The following XRRA1 variants were observed in gnomAD, a reference collection of about 807,000 sequenced individuals.
XRRA1 encodes the protein X-ray radiation resistance-associated protein 1.
XRRA1 carries 69 observed loss-of-function variants against 80.2 expected under a neutral mutation model. That is an observed-to-expected ratio of 0.86 (90% confidence interval 0.71 to 1.05). The LOEUF (loss-of-function observed/expected upper bound fraction) is 1.05, where lower values mean the gene tolerates loss of function less well. XRRA1 is among the 50% of genes least tolerant of loss of function. XRRA1 has a pLI of 0.00. For synonymous variants in XRRA1, 348 were observed against 389.9 expected (o/e 0.89, Z 1.27); for missense variants, 967 against 976.4 (o/e 0.99, Z 0.13).
chr11:74,848,568 C>T (rs532088206), intron 14 of XRRA1, 106 bp from the exon 15 acceptor site: 15 of 980,444 alleles, frequency 1.5e-5, no homozygotes, highest in Middle Eastern at 2.5e-4. Flanking sequence ...GTGCTGGGTA[C>T]GGACTGAGGC....
chr11:74,854,308 T>A (rs966978596), intron 12 of XRRA1, among the ~76,000 whole-genome samples: 2 of 152,070 alleles, frequency 1.3e-5, no homozygotes, highest in African/African-American at 4.8e-5. Context: ...AGGGAGACAG[T>A]AGGGAGTGAG....
intron 8 of XRRA1, among the ~76,000 whole-genome samples, chr11:74,911,795 C>T (rs2055955439): frequency 6.6e-6 from 1 of 152,122 alleles, no homozygotes; most frequent in African/African-American, 2.4e-5. Flanking sequence ...GAGGGAGAAA[C>T]TTAACATAGG....
chr11:74,892,295 G>C (rs1287173369), intron 10 of XRRA1, among the ~76,000 whole-genome samples: 1 of 152,126 alleles, frequency 6.6e-6, no homozygotes, highest in Non-Finnish European at 1.5e-5. Context: ...ACAAAAACAA[G>C]AAATGGGGAA....
chr11:74,930,037 T>C (rs1210589513), intron 6 of XRRA1, among the ~76,000 whole-genome samples: 2 of 152,172 alleles, frequency 1.3e-5, no homozygotes, highest in Non-Finnish European at 2.9e-5. Flanking sequence ...CTGCAAGGTA[T>C]CCTGCAAGGG....
rs746916342 is a variant in XRRA1, at chr11:74,945,023, CT to C, written c.-11del. ...CAGGTCTCCAGAGTACTTACTTGAT[CT>C]TTGACTTTGGGAATGGCCCCTTAAC... On this transcript the variant is annotated 5_prime_UTR_variant, in exon 2 of 19. Coordinates refer to ENST00000684022, the MANE Select transcript of XRRA1 (RefSeq NM_001378157.1). 4.6e-5 allele frequency: 7 copies of C among 152,346 alleles called. No individual in the cohort carries two copies. The highest frequency in any genetic ancestry group is 8.8e-5 in the Non-Finnish European group (6 of 67,984). The allele number at this position is 152,346 out of a possible 1,614,324, so 9.4% of individuals were successfully genotyped here.
At position 74,921,217 on chromosome 11, in the gene XRRA1, T is replaced by G; in HGVS notation, c.653A>C (p.Glu218Ala). 6.2e-7 allele frequency: 1 copy of G among 1,613,836 alleles called. No individual in the cohort carries two copies. Among genetic ancestry groups the G allele is most frequent in the Non-Finnish European group, 8.5e-7 (1 of 1,179,774 alleles). ...GACTCCAGGAGGTAGAACTTACTGT[T>G]CTGCGACGGCCAAATTGGGCGGCAG... is the stretch of plus-strand genomic sequence containing the variant. ...TSLPPNLAVA[E>A]QEASVTSLTS... The change falls in exon 8 of 19, where the codon GAA (glutamate) becomes GCA (alanine). Residue 218 changes from glutamate to alanine, a missense_variant. Physicochemically the swap from Glu to Ala is moderately radical, Grantham distance 107 (BLOSUM62 -1). Coordinates refer to ENST00000684022, the MANE Select transcript of XRRA1 (RefSeq NM_001378157.1).
chr11:74,908,023 GA>G (rs1240771571), intron 8 of XRRA1, among the ~76,000 whole-genome samples: 2 of 152,056 alleles, frequency 1.3e-5, no homozygotes, highest in African/African-American at 2.4e-5. Flanking sequence ...ACAGGCAGAT[GA>G]CACAAATAAC....
Position 74,843,065 on chromosome 11 carries a change from G to T in XRRA1, c.*135C>A. The T allele has an allele frequency of 1.6e-6, 2 of 1,248,838 alleles. No individual in the cohort carries two copies. Among genetic ancestry groups the T allele is most frequent in the Non-Finnish European group, 2.2e-6 (2 of 928,348 alleles). The allele number at this position is 1,248,838 out of a possible 1,614,324, so 77.4% of individuals were successfully genotyped here. A position where few individuals can be genotyped will look rare whatever the true frequency, so the allele number is the denominator to read the frequency against. Reference sequence around the variant, plus strand: ...CCTGACAAGGGGATGCCACCTTGTGGCCAGCAAGTGGGGCCCAGCTGAGCT... The same window carrying T: ...CCTGACAAGGGGATGCCACCTTGTGTCCAGCAAGTGGGGCCCAGCTGAGCT... On this transcript the variant is annotated 3_prime_UTR_variant, in exon 19 of 19. Transcript: ENST00000684022.
At chr11:74,847,584 G>A (rs917810312) in intron 15 of XRRA1, among the ~76,000 whole-genome samples, 1 of 152,066 alleles carries the variant, frequency 6.6e-6, no homozygotes, top group East Asian at 1.9e-4. Context: ...CAGCTCAGTT[G>A]AGCCTCTTCC....
At chr11:74,894,187 A>C (rs2051598269) in intron 10 of XRRA1, among the ~76,000 whole-genome samples, 1 of 152,222 alleles carries the variant, frequency 6.6e-6, no homozygotes, top group Non-Finnish European at 1.5e-5. Flanking sequence ...GAATGTTCTC[A>C]CTTGTAAGTG....
At chr11:74,889,180 A>G (rs1480897524) in intron 10 of XRRA1, among the ~76,000 whole-genome samples, 1 of 152,212 alleles carries the variant, frequency 6.6e-6, no homozygotes, top group African/African-American at 2.4e-5. Flanking sequence ...CTCAAAGGGA[A>G]GCCCATCAGA....
At chr11:74,906,188 G>A in intron 10 of XRRA1, 51 bp downstream of exon 10, 3 of 1,532,764 alleles carry the variant, frequency 2.0e-6, no homozygotes, top group Non-Finnish European at 2.7e-6. Context: ...ACTCTCAGAA[G>A]TGTATTTCCA....
intron 1 of XRRA1, among the ~76,000 whole-genome samples, chr11:74,946,174 G>C (rs1434855130): frequency 1.3e-5 from 2 of 152,028 alleles, no homozygotes; most frequent in Non-Finnish European, 2.9e-5. Context: ...TGTTGCCCAG[G>C]CTGCCTCAAA....
Position 74,930,308 on chromosome 11 carries a change from A to G in XRRA1, c.416T>C (p.Leu139Pro). The change falls in exon 6 of 19, where the codon CTG becomes CCG. Residue 139 changes from leucine to proline, a missense_variant. Coordinates refer to ENST00000684022, the MANE Select transcript of XRRA1 (RefSeq NM_001378157.1). The part of the protein sequence containing the change: ...VIYINASENL[L>P]PLEAFHTFPA... ...AGAAAGAAAAAGCTTACCTAGAGGCAGCAGGTTTTCTGAGGCATTGATATA... is the reference window on the plus strand; with the variant it reads ...AGAAAGAAAAAGCTTACCTAGAGGCGGCAGGTTTTCTGAGGCATTGATATA... 6.4e-7 allele frequency: 1 copy of G among 1,568,370 alleles called. No individual in the cohort carries two copies. The highest frequency in any genetic ancestry group is 1.2e-5 in the South Asian group (1 of 85,144).
chr11:74,892,688 T>A (rs1327440062), intron 10 of XRRA1, among the ~76,000 whole-genome samples: 1 of 151,948 alleles, frequency 6.6e-6, no homozygotes, highest in Non-Finnish European at 1.5e-5. Context: ...GAATCTACAA[T>A]GAACTCAAAC....
At chr11:74,921,406 T>C (rs1940754090) in intron 7 of XRRA1, 59 bp from the exon 8 acceptor site, 2 of 1,598,974 alleles carry the variant, frequency 1.3e-6, no homozygotes, top group African/African-American at 1.3e-5. Flanking sequence ...ACAATGCTCA[T>C]ATATGATGTG....
intron 5 of XRRA1, among the ~76,000 whole-genome samples, chr11:74,933,106 C>T (rs955956834): frequency 8.5e-5 from 13 of 152,150 alleles, no homozygotes; most frequent in Admixed American, 1.3e-4. Context: ...AACGAACCAG[C>T]TTCTTGGGAA....
chr11:74,891,415 G>A (rs964584393), intron 10 of XRRA1, among the ~76,000 whole-genome samples: 2 of 152,150 alleles, frequency 1.3e-5, no homozygotes, highest in African/African-American at 4.8e-5. Context: ...AAAATAGTAA[G>A]AGCTATTTAT....
At chr11:74,857,539 A>G (rs537447377) in intron 12 of XRRA1, among the ~76,000 whole-genome samples, 45 of 152,364 alleles carry the variant, frequency 3.0e-4, no homozygotes, top group African/African-American at 9.9e-4. Flanking sequence ...AGATTTTAAC[A>G]CACTGCTCTC....
Sources: gnomAD v4.1 joint callset for allele counts (sites outside exome capture counted in the v4.1 genomes callset) on GRCh38, gnomAD v4.1.1 for gene constraint, MANE v1.5 for transcripts, NCBI Gene and HGNC (gene_info 2026-07-23, HGNC 2026-07-21) for gene names.